CFAP300: variants seen among roughly 807,000 people sequenced by gnomAD.
CFAP300 encodes cilia and flagella associated protein 300, also known as cilia- and flagella-associated protein 300.
CFAP300 carries 32 observed loss-of-function variants against 33.0 expected under a neutral mutation model. That is an observed-to-expected ratio of 0.97 (90% CI 0.73 to 1.30). The LOEUF (loss-of-function observed/expected upper bound fraction) is 1.30. CFAP300 is among the 50% of genes most tolerant of loss of function. CFAP300 has a pLI of 0.00. For synonymous variants in CFAP300, 102 were observed against 106.8 expected (o/e 0.95, Z 0.28); for missense variants, 356 against 318.1 (o/e 1.12, Z -0.90).
At chr11:102,070,465 T>C (rs1166475211) in intron 4 of CFAP300, among the ~76,000 whole-genome samples, 1 of 152,238 alleles carries the variant, frequency 6.6e-6, no homozygotes, top group Non-Finnish European at 1.5e-5. Context: ...TACCCTTGTA[T>C]GGTAGTGTTA....
rs1442130279 is a variant in CFAP300, at chr11:102,047,502, G to GCT, written c.33_34dup (p.Tyr12SerfsTer15). The GCT allele has an allele frequency of 2.0e-6, 3 of 1,535,992 alleles. No homozygotes were observed. The South Asian group carries it at 3.6e-5, about 18-fold the overall frequency. On this transcript the variant is annotated frameshift_variant, in exon 1 of 7. Transcript: ENST00000434758. LOFTEE classifies it high-confidence loss of function. ...ACTGGGGAGCTCGGGGACTTGGGTGGCTACTACTTCAGGTTCTTGCCTCAG... is the reference window on the plus strand; with the variant it reads ...ACTGGGGAGCTCGGGGACTTGGGTGGCTCTACTACTTCAGGTTCTTGCCTCAG...
chr11:102,073,411 G>A (rs759428610), intron 4 of CFAP300, among the ~76,000 whole-genome samples: 9 of 152,142 alleles, frequency 5.9e-5, no homozygotes, highest in African/African-American at 1.7e-4. Flanking sequence ...TGGAGGGGAC[G>A]GGGCAAACCC....
chr11:102,072,172 T>C (rs1242662888), intron 4 of CFAP300, among the ~76,000 whole-genome samples: 1 of 151,976 alleles, frequency 6.6e-6, no homozygotes, highest in Non-Finnish European at 1.5e-5. Flanking sequence ...CTTTGTTCAT[T>C]CTTTTTCTCT....
intron 4 of CFAP300, among the ~76,000 whole-genome samples, chr11:102,069,959 C>A (rs1942287424): frequency 6.6e-6 from 1 of 152,052 alleles, no homozygotes; most frequent in South Asian, 2.1e-4. Context: ...AGAGTGGGAC[C>A]CTGTCTCCTC....
chr11:102,059,386 C>T (rs1006749575), intron 3 of CFAP300, among the ~76,000 whole-genome samples: 6 of 151,838 alleles, frequency 4.0e-5, no homozygotes, highest in South Asian at 2.1e-4. Context: ...TGGTGGCTCA[C>T]GTCTGTAATC....
chr11:102,071,743 G>GT (rs1270241980), intron 4 of CFAP300, among the ~76,000 whole-genome samples: 1 of 152,014 alleles, frequency 6.6e-6, no homozygotes. Flanking sequence ...TTGGCTGCTA[G>GT]TTTTTTTCTT....
At chr11:102,059,651 A>C (rs935625143) in intron 3 of CFAP300, among the ~76,000 whole-genome samples, 1 of 152,066 alleles carries the variant, frequency 6.6e-6, no homozygotes, top group African/African-American at 2.4e-5. Flanking sequence ...TGCCTCAAAA[A>C]CTAAAAAAAA....
chr11:102,070,472 G>C lies in CFAP300; in HGVS notation c.435+3821G>C, dbSNP rs79071451. 8.9e-3 allele frequency among the ~76,000 whole-genome samples: 1,353 copies of C among 152,300 alleles called. 12 individuals carry two copies. The highest frequency in any genetic ancestry group is 0.017 in the Middle Eastern group (5 of 294). On this transcript the variant is annotated intron_variant, in intron 4 of 6. Coordinates refer to ENST00000434758, the MANE Select transcript of CFAP300 (RefSeq NM_032930.3). Reference sequence around the variant, plus strand: ...TTTCCTTTTACCCTTGTATGGTAGTGTTAAGTGTAATGTACAATTTTGATA... The same window carrying C: ...TTTCCTTTTACCCTTGTATGGTAGTCTTAAGTGTAATGTACAATTTTGATA...
At chr11:102,059,014 C>G (rs997985816) in intron 3 of CFAP300, 59 bp downstream of exon 3, 2 of 975,732 alleles carry the variant, frequency 2.0e-6, no homozygotes, top group African/African-American at 3.4e-5. Flanking sequence ...AATTTTGCCT[C>G]AGGAATTTTC....
At chr11:102,048,400 T>C (rs1297426760) in intron 2 of CFAP300, among the ~76,000 whole-genome samples, 2 of 121,894 alleles carry the variant, frequency 1.6e-5, no homozygotes, top group Non-Finnish European at 3.5e-5. Context: ...AAAAAATTTT[T>C]TTAGAGGCAG....
At chr11:102,055,692 A>G (rs1201556181) in intron 2 of CFAP300, among the ~76,000 whole-genome samples, 55 of 90,436 alleles carry the variant, frequency 6.1e-4, no homozygotes, top group East Asian at 2.1e-3. Context: ...TTTTTTTTTG[A>G]GACGGAGTCT....
chr11:102,068,227 G>A (rs562321949), intron 4 of CFAP300, among the ~76,000 whole-genome samples: 6 of 152,252 alleles, frequency 3.9e-5, no homozygotes, highest in East Asian at 1.9e-4. Context: ...GAAGGGAGAC[G>A]TACAAGTCTG....
chr11:102,065,441 T>C (rs1256680807), intron 3 of CFAP300, among the ~76,000 whole-genome samples: 1 of 151,984 alleles, frequency 6.6e-6, no homozygotes, highest in Non-Finnish European at 1.5e-5. Context: ...GTTTTCAAGA[T>C]ACACTCAAGG....
At chr11:102,048,175 G>C (rs1197106981) in intron 2 of CFAP300, among the ~76,000 whole-genome samples, 1 of 152,138 alleles carries the variant, frequency 6.6e-6, no homozygotes, top group East Asian at 1.9e-4. Context: ...GCGCTCTCTA[G>C]AAGATTAGTT....
chr11:102,076,159 A>G (rs1942392353), intron 5 of CFAP300, 114 bp downstream of exon 5: 1 of 1,228,592 alleles, frequency 8.1e-7, no homozygotes, highest in Non-Finnish European at 1.1e-6. Context: ...ACCAAAGCAT[A>G]TAAAAAGCTC....
chr11:102,047,947 T>TC, intron 2 of CFAP300, 51 bp downstream of exon 2: 3 of 1,569,588 alleles, frequency 1.9e-6, no homozygotes, highest in South Asian at 1.1e-5. Context: ...TTTTTAAACT[T>TC]CCCCCCAAGT....
Position 102,047,546 on chromosome 11 carries a change from A to G in CFAP300, c.76A>G (p.Ser26Gly). ...GCCTCAGAAAACCTTCCAGTCTCTGAGCTCTAAGGAGATCACCAGCCGGCT... is the reference window on the plus strand; with the variant it reads ...GCCTCAGAAAACCTTCCAGTCTCTGGGCTCTAAGGAGATCACCAGCCGGCT... ...FLPQKTFQSL[S>G]SKEITSRLRQ... The change falls in exon 1 of 7, where the codon AGC (serine) becomes GGC (glycine). Residue 26 changes from serine to glycine, a missense_variant. By Grantham distance (56) the Ser-to-Gly change is moderately conservative. Transcript: ENST00000434758. The G allele has an allele frequency of 2.0e-6, 3 of 1,535,998 alleles. No individual in the cohort carries two copies. In the Admixed American group the frequency reaches 5.9e-5, roughly 30 times the overall value.
Position 102,083,256 on chromosome 11 carries a change from T to C in CFAP300, c.*57T>C. 1 of 1,238,558 alleles carries C rather than the reference T, an allele frequency of 8.1e-7. No individual in the cohort carries two copies. Among genetic ancestry groups the C allele is most frequent in the Non-Finnish European group, 1.1e-6 (1 of 947,250 alleles). 76.7% of individuals were successfully genotyped at this position (1,238,558 alleles called of 1,614,324 possible). On this transcript the variant is annotated 3_prime_UTR_variant, in exon 7 of 7. Transcript: ENST00000434758. Reference sequence around the variant, plus strand: ...TGTATTTATCATTTTTCTATCTTAATACTAACTTATAGATAAACATATACT... The same window carrying C: ...TGTATTTATCATTTTTCTATCTTAACACTAACTTATAGATAAACATATACT...
intron 2 of CFAP300, among the ~76,000 whole-genome samples, chr11:102,049,918 A>G (rs1941944309): frequency 6.6e-6 from 1 of 151,592 alleles, no homozygotes; most frequent in Non-Finnish European, 1.5e-5. Context: ...TGGGAGGCTG[A>G]GGCAGGAGGA....
Sources: allele counts gnomAD v4.1 joint callset (sites outside exome capture counted in the v4.1 genomes callset), GRCh38; gene constraint gnomAD v4.1.1; transcripts MANE v1.5; gene names NCBI Gene and HGNC (gene_info 2026-07-23, HGNC 2026-07-21).